Variants in PARP4 observed in about 807,000 individuals in gnomAD.
The protein encoded by PARP4 is protein mono-ADP-ribosyltransferase PARP4.
A neutral mutation model predicts 187.7 loss-of-function variants in PARP4; 120 were observed. That is an observed-to-expected ratio of 0.64 (90% CI 0.55 to 0.74). The LOEUF is 0.74. Among genes scored for constraint, PARP4 ranks in the 30% least tolerant of loss-of-function variants. The pLI, the probability that PARP4 is intolerant of heterozygous loss-of-function variation, is 0.00. For missense variants in PARP4, 1,836 were observed against 2,070.5 expected, an observed-to-expected ratio of 0.89 and a Z score of 2.20; for synonymous variants, 654 against 740.9, an observed-to-expected ratio of 0.88 and a Z score of 1.90.
Position 24,475,619 on chromosome 13 carries a change from T to C in PARP4, c.1790-23A>G, listed in dbSNP as rs764816489. On this transcript the variant is annotated intron_variant, in intron 14 of 33. Transcript: ENST00000381989. The stretch of plus-strand genomic sequence containing the variant: ...AATCTAAACGTTAAAAATGTTACTA[T>C]TAGCTTTCAAAACCATCCCTGTCTA... 4.3e-6 allele frequency: 7 copies of C among 1,610,542 alleles called. No individual in the cohort carries two copies. In the Admixed American group the frequency reaches 1.2e-4, roughly 27 times the overall value.
Position 24,499,403 on chromosome 13 carries a change from T to C in PARP4, c.402-27A>G, listed in dbSNP as rs1593652674. 3 of 1,532,188 alleles carry C rather than the reference T, an allele frequency of 2.0e-6. No individual in the cohort carries two copies. The Admixed American group carries it at 6.8e-5, about 35-fold the overall frequency. 94.9% of individuals were successfully genotyped at this position (1,532,188 alleles called of 1,614,324 possible). On this transcript the variant is annotated intron_variant, in intron 4 of 33. Coordinates refer to ENST00000381989, the MANE Select transcript of PARP4 (RefSeq NM_006437.4). Reference sequence around the variant, plus strand: ...TGAAATTTGTAGTGTATAATTAAAATTTTAACATTAAATGGATTTTAGGCT... The same window carrying C: ...TGAAATTTGTAGTGTATAATTAAAACTTTAACATTAAATGGATTTTAGGCT...
intron 23 of PARP4, 83 bp from the exon 24 acceptor site, chr13:24,452,676 A>G (rs1871587848): frequency 9.3e-7 from 1 of 1,079,190 alleles, no homozygotes; most frequent in South Asian, 1.5e-5. Flanking sequence ...ATCTAAGGAC[A>G]GTGTAGGGAT....
intron 9 of PARP4, among the ~76,000 whole-genome samples, chr13:24,491,312 G>A (rs1868633989): frequency 6.6e-6 from 1 of 152,076 alleles, no homozygotes; most frequent in African/African-American, 2.4e-5. Flanking sequence ...AATAGAGATG[G>A]GGTTTCACCA....
intron 6 of PARP4, among the ~76,000 whole-genome samples, chr13:24,495,122 C>A (rs776392791): frequency 6.6e-6 from 1 of 152,112 alleles, no homozygotes; most frequent in Admixed American, 6.5e-5. Flanking sequence ...CCACCCACCT[C>A]GGCCTCCCAA....
chr13:24,483,632 A>G (rs1873396145), intron 12 of PARP4, among the ~76,000 whole-genome samples: 1 of 151,974 alleles, frequency 6.6e-6, no homozygotes. Flanking sequence ...CACTGCACTC[A>G]GCTCATTTTT....
chr13:24,458,150 C>T (rs1871987300), intron 20 of PARP4, among the ~76,000 whole-genome samples: 1 of 150,402 alleles, frequency 6.6e-6, no homozygotes, highest in Non-Finnish European at 1.5e-5. Flanking sequence ...CGCTCTGACG[C>T]CCAGGCTGGA....
At chr13:24,490,473 T>C (rs1335156183) in intron 10 of PARP4, among the ~76,000 whole-genome samples, 195 bp downstream of exon 10, 1 of 152,158 alleles carries the variant, frequency 6.6e-6, no homozygotes, top group African/African-American at 2.4e-5. Flanking sequence ...GAGTGGAATA[T>C]AGAGGGTGTT....
chr13:24,509,978 G>A (rs1869908315), intron 1 of PARP4, among the ~76,000 whole-genome samples: 1 of 152,086 alleles, frequency 6.6e-6, no homozygotes, highest in Non-Finnish European at 1.5e-5. Context: ...AGGATTACAG[G>A]CATGAGCCAC....
Position 24,434,679 on chromosome 13 carries a change from A to G in PARP4, c.4462T>C (p.Cys1488Arg). The G allele has an allele frequency of 6.2e-7, 1 of 1,614,188 alleles. No individual in the cohort carries two copies. The highest frequency in any genetic ancestry group is 8.5e-7 in the Non-Finnish European group (1 of 1,180,028). ...ACTGGGGTAGTCCGGGACTGACTGC[A>G]AAGAGCCTCAGGTAAAGCAGAGGCC... The part of the protein sequence containing the change: ...PMASALPEAL[C>R]SQSRTTPVDL... Residue 1488 changes from cysteine (C) to arginine (R), a missense_variant, in exon 31 of 34, where the codon TGC (cysteine) becomes CGC (arginine). Transcript: ENST00000381989.
At chr13:24,436,666 T>C (rs149008445) in intron 30 of PARP4, among the ~76,000 whole-genome samples, 1 of 147,960 alleles carries the variant, frequency 6.8e-6, no homozygotes. Context: ...ACAATATGTA[T>C]GTAAAACAAA....
intron 30 of PARP4, among the ~76,000 whole-genome samples, chr13:24,439,785 C>G (rs571944405): frequency 1.1e-3 from 165 of 151,912 alleles, no homozygotes; most frequent in African/African-American, 3.8e-3. Context: ...ATTTTTTTTT[C>G]CCCAAAACAA....
At chr13:24,476,455 T>C (rs1048355561) in intron 14 of PARP4, among the ~76,000 whole-genome samples, 1 of 152,178 alleles carries the variant, frequency 6.6e-6, no homozygotes, top group African/African-American at 2.4e-5. Flanking sequence ...TTATTTATGG[T>C]GCCACACAAG....
Position 24,477,845 on chromosome 13 carries a change from C to A in PARP4, c.1645G>T (p.Val549Phe). The A allele has an allele frequency of 6.3e-7, 1 of 1,576,334 alleles. No homozygotes were observed. The highest frequency in any genetic ancestry group is 8.6e-7 in the Non-Finnish European group (1 of 1,164,354). The change falls in exon 14 of 34, where the codon GTT (valine) becomes TTT (phenylalanine). Residue 549 changes from valine to phenylalanine, a missense_variant. This residue lies in a region of PARP4 where 1,147 missense variants were observed against 1,214.2 expected (regional missense o/e 0.94). Coordinates refer to ENST00000381989, the MANE Select transcript of PARP4 (RefSeq NM_006437.4). The part of the protein sequence containing the change: ...VTTDFEDDEF[V>F]VYKTNQVKMK... ...TTAACCTGATTGGTTTTATAGACAA[C>A]AAATTCATCATCCTAGAGCAAACAG...
rs1022779186 is a variant in PARP4, at chr13:24,461,322, C to T, written c.2134-1186G>A. 2.6e-5 allele frequency among the ~76,000 whole-genome samples: 4 copies of T among 152,260 alleles called. No individual in the cohort carries two copies. The South Asian group carries it at 8.3e-4, about 32-fold the overall frequency. On this transcript the variant is annotated intron_variant, in intron 17 of 33. Coordinates refer to ENST00000381989, the MANE Select transcript of PARP4 (RefSeq NM_006437.4). ...CTTAAAAGAAATGTATGTATAAACACCTGGGGTTCATTTGAGACACTGCCA... is the reference window on the plus strand; with the variant it reads ...CTTAAAAGAAATGTATGTATAAACATCTGGGGTTCATTTGAGACACTGCCA...
chr13:24,491,976 G>T (rs539921615), intron 9 of PARP4, among the ~76,000 whole-genome samples: 1 of 152,328 alleles, frequency 6.6e-6, no homozygotes, highest in Admixed American at 6.5e-5. Context: ...CACTCTACAG[G>T]AAGTACAGAG....
At position 24,494,657 on chromosome 13, in the gene PARP4, A is replaced by T. The variant is rs779197567; in HGVS notation, c.657T>A (p.Ile219=). The part of the protein sequence containing the change: ...EDASEYFENY[I]EELKKQGFLL... ...GAAATCCTTGTTTCTTCAGTTCTTCAATGTAATTTTCAAAGTATTCACTTG... is the reference window on the plus strand; with the variant it reads ...GAAATCCTTGTTTCTTCAGTTCTTCTATGTAATTTTCAAAGTATTCACTTG... The change falls in exon 7 of 34, where the codon ATT becomes ATA. Residue 219 remains isoleucine (I), a synonymous_variant. Coordinates refer to ENST00000381989, the MANE Select transcript of PARP4 (RefSeq NM_006437.4). The T allele has an allele frequency of 2.5e-6, 4 of 1,609,498 alleles. No homozygotes were observed. In the African/African-American group the frequency reaches 5.3e-5, roughly 22 times the overall value.
intron 32 of PARP4, among the ~76,000 whole-genome samples, chr13:24,428,402 A>C (rs992732321): frequency 1.3e-5 from 2 of 152,218 alleles, no homozygotes; most frequent in East Asian, 1.9e-4. Flanking sequence ...ATCCAGAGCC[A>C]GGCTTTAAAT....
intron 10 of PARP4, among the ~76,000 whole-genome samples, chr13:24,487,594 C>T (rs186108161): frequency 2.0e-5 from 3 of 152,268 alleles, no homozygotes; most frequent in Non-Finnish European, 2.9e-5. Context: ...AGACCCCACA[C>T]TGGCTCTGAG....
chr13:24,458,188 C>T (rs1871989461), intron 20 of PARP4, among the ~76,000 whole-genome samples: 1 of 151,422 alleles, frequency 6.6e-6, no homozygotes, highest in South Asian at 2.1e-4. Flanking sequence ...CAGCTCACTG[C>T]AAGCTCCGCC....
Sources: gnomAD v4.1 joint callset for allele counts (sites outside exome capture counted in the v4.1 genomes callset) on GRCh38, gnomAD v4.1.1 for gene constraint, gnomAD v4.1.1 regional missense constraint, MANE v1.5 for transcripts, NCBI Gene and HGNC (gene_info 2026-07-23, HGNC 2026-07-21) for gene names.